Variants in LTB4R observed in about 807,000 individuals in gnomAD.
LTB4R encodes leukotriene B4 receptor, also known as leukotriene B4 receptor 1.
For synonymous variants in LTB4R, 250 were observed against 230.7 expected, an observed-to-expected ratio of 1.08 and a Z score of -0.76; for missense variants, 470 against 485.6, an observed-to-expected ratio of 0.97 and a Z score of 0.30.
Position 24,316,058 on chromosome 14 carries a change from G to A in LTB4R, c.407G>A (p.Arg136Gln), listed in dbSNP as rs779808809. The A allele has an allele frequency of 3.1e-6, 5 of 1,613,214 alleles. No individual in the cohort carries two copies. Among genetic ancestry groups the A allele is most frequent in the Non-Finnish European group, 3.4e-6 (4 of 1,180,034 alleles). ...CTACGCACCAAGGCGATGGCCCGGC[G>A]GGTGCTGGCAGGCATCTGGGTGTTG... ...QKLRTKAMAR[R>Q]VLAGIWVLSF... The change falls in exon 2 of 2, where the codon CGG (arginine) becomes CAG (glutamine). Residue 136 changes from arginine (R) to glutamine (Q), a missense_variant. Transcript: ENST00000345363.
rs1156354358 is a variant in LTB4R at position 24,317,733 on chromosome 14, C to T, written c.*1023C>T. On this transcript the variant is annotated 3_prime_UTR_variant, in exon 2 of 2. Coordinates refer to ENST00000345363, the MANE Select transcript of LTB4R (RefSeq NM_001143919.3). Reference sequence around the variant, plus strand: ...TCAAGGTTTGACATACTCCCATGGACCCCAAAGTATGAGCCAGTGAGAATG... The same window carrying T: ...TCAAGGTTTGACATACTCCCATGGATCCCAAAGTATGAGCCAGTGAGAATG... The T allele has an allele frequency of 6.0e-6, 1 of 166,970 alleles. No homozygotes were observed. Among genetic ancestry groups the T allele is most frequent in the Non-Finnish European group, 1.5e-5 (1 of 68,122 alleles). 10.3% of individuals were successfully genotyped at this position (166,970 alleles called of 1,614,324 possible).
At position 24,311,798 on chromosome 14, in the gene LTB4R, T is replaced by C; in HGVS notation, c.-22T>C. ...GTCCCTTTCCACCCCCCACCCACCC[T>C]CCAGAGGTCAGTGTTCTGGGACATT... On this transcript the variant is annotated 5_prime_UTR_variant, in exon 1 of 2. Coordinates refer to ENST00000345363, the MANE Select transcript of LTB4R (RefSeq NM_001143919.3). The C allele has an allele frequency of 1.8e-5, 25 of 1,425,812 alleles. No homozygotes were observed. Among genetic ancestry groups the C allele is most frequent in the Non-Finnish European group, 2.4e-5 (25 of 1,059,502 alleles). The allele number at this position is 1,425,812 out of a possible 1,614,324, so 88.3% of individuals were successfully genotyped here.
rs1429914287 is a variant in LTB4R at position 24,311,696 on chromosome 14, C to T, written c.-124C>T. ...TGGGGCAGGGCCGCGGCAATGGAGA[C>T]CCGGGGGGTGGGATGGAGAAGGACG... On this transcript the variant is annotated 5_prime_UTR_variant, in exon 1 of 2. Coordinates refer to ENST00000345363, the MANE Select transcript of LTB4R (RefSeq NM_001143919.3). The T allele has an allele frequency of 6.2e-7, 1 of 1,606,652 alleles. No individual in the cohort carries two copies. Among genetic ancestry groups the T allele is most frequent in the Non-Finnish European group, 8.5e-7 (1 of 1,175,192 alleles).
chr14:24,316,837 T>C lies in LTB4R; in HGVS notation c.*127T>C. 2.6e-6 allele frequency: 2 copies of C among 765,070 alleles called. No homozygotes were observed. The highest frequency in any genetic ancestry group is 5.1e-5 in the South Asian group (2 of 39,418). The allele number at this position is 765,070 out of a possible 1,614,324, so 47.4% of individuals were successfully genotyped here. On this transcript the variant is annotated 3_prime_UTR_variant, in exon 2 of 2. Coordinates refer to ENST00000345363, the MANE Select transcript of LTB4R (RefSeq NM_001143919.3). ...GGGAGCGTGGGAGGCGGGAGTGGAG[T>C]GGAAGAAGAGGGAGAGGTGGAGCAA...
rs746356935 is a variant in LTB4R at position 24,316,405 on chromosome 14, C to G, written c.754C>G (p.Gln252Glu). The G allele has an allele frequency of 3.8e-6, 6 of 1,580,174 alleles. No homozygotes were observed. The South Asian group carries it at 5.7e-5, about 15-fold the overall frequency. ...LAEAGRALAG[Q>E]AAGLGLVGKR... Reference sequence around the variant, plus strand: ...TGAGGCGGGCCGCGCGCTGGCCGGCCAGGCCGCCGGGTTAGGGCTCGTGGG... The same window carrying G: ...TGAGGCGGGCCGCGCGCTGGCCGGCGAGGCCGCCGGGTTAGGGCTCGTGGG... Residue 252 changes from glutamine (Q) to glutamate (E), a missense_variant, in exon 2 of 2, where the codon CAG becomes GAG. Physicochemically the swap from Gln to Glu is conservative, Grantham distance 29. Transcript: ENST00000345363.
At chr14:24,312,475 C>T (rs2041726233) in intron 1 of LTB4R, among the ~76,000 whole-genome samples, 1 of 152,214 alleles carries the variant, frequency 6.6e-6, no homozygotes, top group Non-Finnish European at 1.5e-5. Flanking sequence ...CCATCTGATC[C>T]TCCCTGCAAA....
In LTB4R at chr14:24,316,334, TG is replaced by T; in HGVS notation, c.684del (p.Thr229ProfsTer12). The T allele has an allele frequency of 6.3e-7, 1 of 1,598,402 alleles. No individual in the cohort carries two copies. Among genetic ancestry groups the T allele is most frequent in the Non-Finnish European group, 8.5e-7 (1 of 1,174,810 alleles). On this transcript the variant is annotated frameshift_variant, in exon 2 of 2. Transcript: ENST00000345363. LOFTEE classifies it low-confidence loss of function (END_TRUNC). ...GGCCGCCTGGTGGTGCTCATCATCCTGACCTTCGCCGCCTTCTGGCTGCCCT... is the reference window on the plus strand; with the variant it reads ...GGCCGCCTGGTGGTGCTCATCATCCTACCTTCGCCGCCTTCTGGCTGCCCT... ...RTGRLVVLIILTFAAFWLPYH... is the reference protein window; with the variant it reads ...RTGRLVVLIIXTFAAFWLPYH...
rs2139182362 is a variant in LTB4R at position 24,315,513 on chromosome 14, T to C, written c.-15-124T>C. 9.4e-6 allele frequency: 6 copies of C among 636,932 alleles called. No individual in the cohort carries two copies. In the South Asian group the frequency reaches 1.1e-4, roughly 12 times the overall value. 39.5% of individuals were successfully genotyped at this position (636,932 alleles called of 1,614,324 possible). ...TCTGCAGCGATGGGGGCAGTATATT[T>C]CAGGGGGACCTCTGATGCTGCTGAC... On this transcript the variant is annotated intron_variant, in intron 1 of 1. Coordinates refer to ENST00000345363, the MANE Select transcript of LTB4R (RefSeq NM_001143919.3).
At position 24,311,544 on chromosome 14, in the gene LTB4R, G is replaced by A. The variant is rs1364553545; in HGVS notation, c.-276G>A. ...GGTGCTCTACGTCTTCACCGCTGGAGATCTGCTGCCCCGGGCAGGTCCCCG... is the reference window on the plus strand; with the variant it reads ...GGTGCTCTACGTCTTCACCGCTGGAAATCTGCTGCCCCGGGCAGGTCCCCG... On this transcript the variant is annotated 5_prime_UTR_variant, in exon 1 of 2. Transcript: ENST00000345363. 1.2e-6 allele frequency: 2 copies of A among 1,606,708 alleles called. No homozygotes were observed. Among genetic ancestry groups the A allele is most frequent in the African/African-American group, 1.3e-5 (1 of 74,956 alleles).
chr14:24,317,651 CAAGT>C lies in LTB4R; in HGVS notation c.*945_*948del, dbSNP rs2041788996. The C allele has an allele frequency of 6.0e-6, 1 of 166,568 alleles. No homozygotes were observed. The highest frequency in any genetic ancestry group is 1.5e-5 in the Non-Finnish European group (1 of 68,066). The allele number at this position is 166,568 out of a possible 1,614,324, so 10.3% of individuals were successfully genotyped here. On this transcript the variant is annotated 3_prime_UTR_variant, in exon 2 of 2. Coordinates refer to ENST00000345363, the MANE Select transcript of LTB4R (RefSeq NM_001143919.3). Reference sequence around the variant, plus strand: ...TCTTTCTCATAAAAAAACAAAAGAGCAAGTAAGAGAGGGAAACCAAATATCCACA... The same window carrying C: ...TCTTTCTCATAAAAAAACAAAAGAGCAAGAGAGGGAAACCAAATATCCACA...
Position 24,311,619 on chromosome 14 carries a change from C to T in LTB4R, c.-201C>T, listed in dbSNP as rs1328785575. The T allele has an allele frequency of 6.2e-7, 1 of 1,613,140 alleles. No homozygotes were observed. ...CTCTGGGGAGGCCCGAGGGGGCGGC[C>T]GCTCTAGGGAAGGGACCATGGAGCT... On this transcript the variant is annotated 5_prime_UTR_variant, in exon 1 of 2. Transcript: ENST00000345363.
In LTB4R at chr14:24,311,607, C is replaced by G; in HGVS notation, c.-213C>G. 3 of 1,612,680 alleles carry G rather than the reference C, an allele frequency of 1.9e-6. No individual in the cohort carries two copies. Among genetic ancestry groups the G allele is most frequent in the Non-Finnish European group, 2.5e-6 (3 of 1,180,010 alleles). On this transcript the variant is annotated 5_prime_UTR_variant, in exon 1 of 2. Coordinates refer to ENST00000345363, the MANE Select transcript of LTB4R (RefSeq NM_001143919.3). The stretch of plus-strand genomic sequence containing the variant: ...GCTCTTCGAAGGCTCTGGGGAGGCC[C>G]GAGGGGGCGGCCGCTCTAGGGAAGG...
In LTB4R at chr14:24,316,795, G is replaced by A; in HGVS notation, c.*85G>A. 2 of 989,998 alleles carry A rather than the reference G, an allele frequency of 2.0e-6. No homozygotes were observed. Among genetic ancestry groups the A allele is most frequent in the Non-Finnish European group, 2.7e-6 (2 of 741,090 alleles). 61.3% of individuals were successfully genotyped at this position (989,998 alleles called of 1,614,324 possible). On this transcript the variant is annotated 3_prime_UTR_variant, in exon 2 of 2. Coordinates refer to ENST00000345363, the MANE Select transcript of LTB4R (RefSeq NM_001143919.3). ...TACCTGGAGGAGGAGCAGGGGCGTGGAGGGCGTGGAGGGCGTGGGAGCGTG... is the reference window on the plus strand; with the variant it reads ...TACCTGGAGGAGGAGCAGGGGCGTGAAGGGCGTGGAGGGCGTGGGAGCGTG...
rs755495649 is a variant in LTB4R, at chr14:24,315,625, C to T, written c.-15-12C>T. On this transcript the variant is annotated splice_polypyrimidine_tract_variant and intron_variant, in intron 1 of 1. Transcript: ENST00000345363. ...CTCTACTCTCATGCGTGTGTCCGCCCTCACTCTCCAGGTCCTCCCGACGGC... is the reference window on the plus strand; with the variant it reads ...CTCTACTCTCATGCGTGTGTCCGCCTTCACTCTCCAGGTCCTCCCGACGGC... The T allele has an allele frequency of 3.8e-6, 6 of 1,580,508 alleles. No individual in the cohort carries two copies. In the East Asian group the frequency reaches 9.0e-5, roughly 24 times the overall value.
At position 24,316,927 on chromosome 14, in the gene LTB4R, GAA is replaced by G; in HGVS notation, c.*218_*219del. On this transcript the variant is annotated 3_prime_UTR_variant, in exon 2 of 2. Transcript: ENST00000345363. ...ACAGGCAGCTTTAACCATTAAAACT[GAA>G]GTCTGAAATTTGGTCAACCTTGTGA... 1 of 443,458 alleles carries G rather than the reference GAA, an allele frequency of 2.3e-6. No individual in the cohort carries two copies. Among genetic ancestry groups the G allele is most frequent in the East Asian group, 3.7e-5 (1 of 26,686 alleles). The allele number at this position is 443,458 out of a possible 1,614,324, so 27.5% of individuals were successfully genotyped here.
intron 1 of LTB4R, among the ~76,000 whole-genome samples, chr14:24,315,265 G>A (rs2041758026): frequency 6.6e-6 from 1 of 152,128 alleles, no homozygotes; most frequent in Admixed American, 6.5e-5. Flanking sequence ...GGCCTGGCAG[G>A]GGGCAAAAAG....
rs1291654541 is a variant in LTB4R at position 24,316,480 on chromosome 14, A to G, written c.829A>G (p.Ser277Gly). 2 of 1,558,106 alleles carry G rather than the reference A, an allele frequency of 1.3e-6. No individual in the cohort carries two copies. The highest frequency in any genetic ancestry group is 1.2e-5 in the South Asian group (1 of 85,600). The change falls in exon 2 of 2, where the codon AGC (serine) becomes GGC (glycine). Residue 277 changes from serine (S) to glycine (G), a missense_variant. Ser to Gly is a moderately conservative substitution (Grantham distance 56). Coordinates refer to ENST00000345363, the MANE Select transcript of LTB4R (RefSeq NM_001143919.3). ...CGTGCTCATCGCACTCGCCTTCCTGAGCAGCAGCGTGAACCCCGTGCTGTA... is the reference window on the plus strand; with the variant it reads ...CGTGCTCATCGCACTCGCCTTCCTGGGCAGCAGCGTGAACCCCGTGCTGTA... The part of the protein sequence containing the change: ...RNVLIALAFL[S>G]SSVNPVLYAC...
chr14:24,315,388 C>G (rs2041758899), intron 1 of LTB4R, among the ~76,000 whole-genome samples: 1 of 152,120 alleles, frequency 6.6e-6, no homozygotes, highest in Non-Finnish European at 1.5e-5. Flanking sequence ...CTGCTGTGGT[C>G]ACTGTATATT....
chr14:24,313,204 G>A (rs1167589788), intron 1 of LTB4R: 1 of 152,126 alleles, frequency 6.6e-6, no homozygotes, highest in Non-Finnish European at 1.5e-5. Context: ...TGTCTGAAGG[G>A]GCCTCTGGTT....
Sources: gnomAD v4.1 joint callset for allele counts (sites outside exome capture counted in the v4.1 genomes callset) on GRCh38, gnomAD v4.1.1 for gene constraint, MANE v1.5 for transcripts, NCBI Gene and HGNC (gene_info 2026-07-23, HGNC 2026-07-21) for gene names.